TMEM67: variants seen among roughly 807,000 people sequenced by gnomAD.
TMEM67 encodes meckelin.
A neutral mutation model predicts 136.6 loss-of-function variants in TMEM67; 124 were observed. The observed-to-expected ratio is 0.91, with a 90% CI of 0.78 to 1.05. TMEM67 has a LOEUF of 1.05. TMEM67 is among the 50% of genes least tolerant of loss of function. The pLI is 0.00. For missense variants in TMEM67, 1,107 were observed against 1,178.4 expected (o/e 0.94, Z 0.89); for synonymous variants, 364 against 390.5 (o/e 0.93, Z 0.80).
chr8:93,806,834 AATC>A (rs1178599663), intron 23 of TMEM67, among the ~76,000 whole-genome samples: 3 of 152,164 alleles, frequency 2.0e-5, no homozygotes, highest in Non-Finnish European at 4.4e-5. Flanking sequence ...AAAGAATAGA[AATC>A]ATCAAAAAGG....
chr8:93,781,614 CTT>C, intron 9 of TMEM67, 42 bp from the exon 10 acceptor site: 1 of 931,986 alleles, frequency 1.1e-6, no homozygotes, highest in Non-Finnish European at 1.7e-6. Context: ...TATTGTATTA[CTT>C]TCAGAGTATT....
intron 6 of TMEM67, among the ~76,000 whole-genome samples, chr8:93,768,810 C>T (rs1813198960): frequency 6.6e-6 from 1 of 152,004 alleles, no homozygotes; most frequent in Non-Finnish European, 1.5e-5. Flanking sequence ...ATTCCACCTC[C>T]ACATTCTCCC....
At chr8:93,767,422 C>A (rs1484032823) in intron 6 of TMEM67, among the ~76,000 whole-genome samples, 1 of 152,192 alleles carries the variant, frequency 6.6e-6, no homozygotes, top group Admixed American at 6.5e-5. Flanking sequence ...TCCTCACTAA[C>A]CCTTAACTCA....
In TMEM67 at chr8:93,796,589, G is replaced by A. The variant is rs145372410; in HGVS notation, c.1861-545G>A. ...TATCCTTTATTTGATGAATAATGCA[G>A]CAACTAGAAAGAATGCCTCAGTTTA... is the stretch of plus-strand genomic sequence containing the variant. On this transcript the variant is annotated intron_variant, in intron 18 of 27. Transcript: ENST00000453321. Among the ~76,000 whole-genome samples, 1,081 of 152,178 alleles carry A rather than the reference G, an allele frequency of 7.1e-3. 6 individuals are homozygous for A. The highest frequency in any genetic ancestry group is 0.017 in the Middle Eastern group (5 of 294).
chr8:93,829,556 C>T, the TMEM67 span, among the ~76,000 whole-genome samples: 2 of 152,220 alleles, frequency 1.3e-5, no homozygotes, highest in Non-Finnish European at 2.9e-5. Context: ...CTTCTCCCTG[C>T]GATCACATAG....
At chr8:93,818,264 T>C (rs1375436566), downstream of TMEM67, among the ~76,000 whole-genome samples, 1 of 152,202 alleles carries the variant, frequency 6.6e-6, no homozygotes, top group Non-Finnish European at 1.5e-5. Flanking sequence ...ATTTTACTGA[T>C]TTTCTAGAAA....
chr8:93,770,974 C>T (rs922095936), intron 6 of TMEM67, among the ~76,000 whole-genome samples: 2 of 150,688 alleles, frequency 1.3e-5, no homozygotes, highest in African/African-American at 4.9e-5. Flanking sequence ...AAGATCGCGC[C>T]ATTGCACTCC....
At chr8:93,822,692 A>G (rs1809058328), downstream of TMEM67, among the ~76,000 whole-genome samples, 1 of 152,196 alleles carries the variant, frequency 6.6e-6, no homozygotes, top group Admixed American at 6.5e-5. Flanking sequence ...GGCAGCTCAG[A>G]TGACTACAGT....
At chr8:93,765,963 A>G (rs552945739) in intron 6 of TMEM67, among the ~76,000 whole-genome samples, 140 of 152,202 alleles carry the variant, frequency 9.2e-4, no homozygotes, top group Non-Finnish European at 1.4e-3. Flanking sequence ...TGGATTTGCA[A>G]GTCATTAGTT....
At chr8:93,820,581 G>C (rs1809027431), downstream of TMEM67, among the ~76,000 whole-genome samples, 1 of 152,176 alleles carries the variant, frequency 6.6e-6, no homozygotes. Flanking sequence ...ACCACTTACT[G>C]GCTGTGCAAT....
intron 3 of TMEM67, among the ~76,000 whole-genome samples, chr8:93,761,448 A>T (rs1419979104): frequency 6.6e-6 from 1 of 152,238 alleles, no homozygotes; most frequent in Admixed American, 6.5e-5. Context: ...AAAAATACAG[A>T]TTATCTTTGC....
At chr8:93,766,723 A>C (rs1460317601) in intron 6 of TMEM67, among the ~76,000 whole-genome samples, 2 of 152,164 alleles carry the variant, frequency 1.3e-5, no homozygotes, top group African/African-American at 4.8e-5. Flanking sequence ...CTGTGAGGAT[A>C]GCAATGATGA....
chr8:93,782,576 T>C, intron 11 of TMEM67, 116 bp downstream of exon 11: 1 of 751,640 alleles, frequency 1.3e-6, no homozygotes, highest in South Asian at 1.8e-5. Context: ...TCTTGGTTTT[T>C]TTTTTTTTTT....
chr8:93,755,690 A>G, intron 1 of TMEM67, 88 bp from the exon 2 acceptor site: 1 of 878,750 alleles, frequency 1.1e-6, no homozygotes, highest in South Asian at 1.6e-5. Flanking sequence ...CAAGATCTTC[A>G]GACTTATTAA....
At chr8:93,830,815 A>G in the TMEM67 span, among the ~76,000 whole-genome samples, 2 of 152,226 alleles carry the variant, frequency 1.3e-5, no homozygotes, top group Non-Finnish European at 2.9e-5. Flanking sequence ...ACACAGGCAA[A>G]GCTCTCCCTG....
chr8:93,809,257 A>T, intron 25 of TMEM67, 96 bp downstream of exon 25: 1 of 783,970 alleles, frequency 1.3e-6, no homozygotes, highest in East Asian at 2.5e-5. Flanking sequence ...CAACCAAGTC[A>T]GTAAACTTAG....
intron 3 of TMEM67, chr8:93,763,133 T>A (rs1812925914): frequency 3.9e-6 from 1 of 256,498 alleles, no homozygotes; most frequent in Non-Finnish European, 7.9e-6. Flanking sequence ...TTTTGCCATA[T>A]TGGCCAGGCT....
rs143495661 is a variant in TMEM67, at chr8:93,772,629, A to G, written c.692A>G (p.Gln231Arg). The G allele has an allele frequency of 5.6e-6, 9 of 1,612,720 alleles. No homozygotes were observed. In the East Asian group the frequency reaches 2.0e-4, roughly 36 times the overall value. Residue 231 changes from glutamine (Q) to arginine (R), a missense_variant, in exon 7 of 28, where the codon CAA becomes CGA. Around this residue, in one of 3 missense-constraint regions of TMEM67, gnomAD observed 925 missense variants for 1,002.4 expected, o/e 0.92. Transcript: ENST00000453321. ...LTSEWFAKYL[Q>R]SSAAACWVYA... ...TCAGAATGGTTTGCAAAGTATTTGCAATCATCAGCAGCTGCATGTTGGGTA... is the reference window on the plus strand; with the variant it reads ...TCAGAATGGTTTGCAAAGTATTTGCGATCATCAGCAGCTGCATGTTGGGTA...
Position 93,797,212 on chromosome 8 carries a change from A to G in TMEM67, c.1939A>G (p.Lys647Glu). 2 of 1,613,068 alleles carry G rather than the reference A, an allele frequency of 1.2e-6. No homozygotes were observed. Among genetic ancestry groups the G allele is most frequent in the Non-Finnish European group, 1.7e-6 (2 of 1,179,010 alleles). Residue 647 changes from lysine (K) to glutamate (E), a missense_variant, in exon 19 of 28, where the codon AAG becomes GAG. Transcript: ENST00000453321. ...TATTGATTGGGAGCGACCTAAAGGA[A>G]AGGTTCTTAAAGCTGTTGAAGGTAA... ...FFIDWERPKGKVLKAVEGEGG... is the reference protein window; with the variant it reads ...FFIDWERPKGEVLKAVEGEGG...
Sources: allele counts gnomAD v4.1 joint callset (sites outside exome capture counted in the v4.1 genomes callset), GRCh38; gene constraint gnomAD v4.1.1; regional missense constraint gnomAD v4.1.1; transcripts MANE v1.5; gene names NCBI Gene and HGNC (gene_info 2026-07-23, HGNC 2026-07-21).